KSR2: variants seen among roughly 807,000 people sequenced by gnomAD.
The protein encoded by KSR2 is kinase suppressor of ras 2.
In KSR2, 25 loss-of-function variants were observed where a neutral mutation model predicts 107.8. The observed-to-expected ratio is 0.23, with a 90% CI of 0.17 to 0.32. The LOEUF is 0.32. Among genes scored for constraint, KSR2 ranks in the 10% least tolerant of loss-of-function variants. The probability of loss-of-function intolerance (pLI) is 1.00; values close to 1 mark genes in which losing one functional copy is unlikely to be tolerated. For synonymous variants in KSR2, 480 were observed against 507.0 expected (o/e 0.95, Z 0.71); for missense variants, 887 against 1,268.9 (o/e 0.70, Z 4.57).
chr12:117,913,851 AC>A (rs898427645), intron 1 of KSR2, among the ~76,000 whole-genome samples: 2 of 151,922 alleles, frequency 1.3e-5, no homozygotes, highest in African/African-American at 4.8e-5. Flanking sequence ...CAAGTTCTCC[AC>A]GCTGGAGTCT....
At chr12:117,734,963 T>C (rs1887884470) in intron 4 of KSR2, among the ~76,000 whole-genome samples, 1 of 152,182 alleles carries the variant, frequency 6.6e-6, no homozygotes, top group South Asian at 2.1e-4. Flanking sequence ...AGCCACACAC[T>C]TGGTGTTGAG....
intron 9 of KSR2, among the ~76,000 whole-genome samples, chr12:117,541,059 C>T (rs1435474244): frequency 1.3e-5 from 2 of 152,068 alleles, no homozygotes; most frequent in Non-Finnish European, 2.9e-5. Context: ...ATCAAGTGCA[C>T]AGGGCTGCAT....
chr12:117,607,654 A>AAAGAG (rs1035295251), intron 5 of KSR2, among the ~76,000 whole-genome samples: 2 of 118,074 alleles, frequency 1.7e-5, no homozygotes, highest in African/African-American at 7.6e-5. Context: ...GAGGGGAGGA[A>AAAGAG]AGGAGAGGAG....
chr12:117,833,358 G>T (rs1184685620), intron 3 of KSR2, among the ~76,000 whole-genome samples: 1 of 152,054 alleles, frequency 6.6e-6, no homozygotes, highest in Non-Finnish European at 1.5e-5. Flanking sequence ...GTGCATTTGG[G>T]GGTGGGGGTT....
At chr12:117,576,830 G>A (rs1212201402) in intron 7 of KSR2, among the ~76,000 whole-genome samples, 3 of 151,830 alleles carry the variant, frequency 2.0e-5, no homozygotes, top group Non-Finnish European at 4.4e-5. Flanking sequence ...TTATTTGTGT[G>A]TGTGTGTGTG....
chr12:117,513,127 C>T (rs913182121), intron 14 of KSR2, among the ~76,000 whole-genome samples: 50 of 151,974 alleles, frequency 3.3e-4, no homozygotes, highest in African/African-American at 1.1e-3. Flanking sequence ...CCCTCTTCTG[C>T]CAAACAAATT....
At chr12:117,923,029 T>C (rs958074758) in intron 1 of KSR2, among the ~76,000 whole-genome samples, 1 of 152,158 alleles carries the variant, frequency 6.6e-6, no homozygotes, top group Admixed American at 6.5e-5. Flanking sequence ...ATTTTTGTAC[T>C]TTTTTGGTGA....
chr12:117,855,493 G>A lies in KSR2; in HGVS notation c.407C>T (p.Ala136Val). 1 of 1,614,006 alleles carries A rather than the reference G, an allele frequency of 6.2e-7. No individual in the cohort carries two copies. Among genetic ancestry groups the A allele is most frequent in the Non-Finnish European group, 8.5e-7 (1 of 1,179,880 alleles). Residue 136 changes from alanine (A) to valine (V), a missense_variant, in exon 3 of 20, where the codon GCC (alanine) becomes GTC (valine). Physicochemically the swap from Ala to Val is moderately conservative, Grantham distance 64 (BLOSUM62 0). Coordinates refer to ENST00000339824, the MANE Select transcript of KSR2 (RefSeq NM_173598.6). Reference sequence around the variant, plus strand: ...GAGGCGGGCACACTCCTCCCGGTTGGCTCCGTATTTCTCCACAGTCTCGCA... The same window carrying A: ...GAGGCGGGCACACTCCTCCCGGTTGACTCCGTATTTCTCCACAGTCTCGCA... ...QVCETVEKYG[A>V]NREECARLNA...
rs907129428 is a variant in KSR2 at position 117,465,259 on chromosome 12, C to T, written c.*1940G>A. ...TGACAAGAGCCATCCCCAGCAACCCCAGAGTGGCTGGGGCTCAGGCAAACA... is the reference window on the plus strand; with the variant it reads ...TGACAAGAGCCATCCCCAGCAACCCTAGAGTGGCTGGGGCTCAGGCAAACA... On this transcript the variant is annotated 3_prime_UTR_variant, in exon 20 of 20. Coordinates refer to ENST00000339824, the MANE Select transcript of KSR2 (RefSeq NM_173598.6). 5.9e-5 allele frequency: 9 copies of T among 152,206 alleles called. No individual in the cohort carries two copies. The highest frequency in any genetic ancestry group is 8.8e-5 in the Non-Finnish European group (6 of 68,078). The allele number at this position is 152,206 out of a possible 1,614,324, so 9.4% of individuals were successfully genotyped here.
At chr12:117,809,490 C>T (rs548444142) in intron 3 of KSR2, among the ~76,000 whole-genome samples, 4 of 152,258 alleles carry the variant, frequency 2.6e-5, no homozygotes, top group African/African-American at 4.8e-5. Flanking sequence ...CAAAAATCAC[C>T]CCCAGTTGAG....
At chr12:117,904,304 T>A (rs1430698661) in intron 1 of KSR2, among the ~76,000 whole-genome samples, 7 of 152,166 alleles carry the variant, frequency 4.6e-5, no homozygotes, top group Non-Finnish European at 1.0e-4. Flanking sequence ...ATATTCAGTA[T>A]CTAAACTCGT....
At chr12:117,947,511 A>G (rs1896236279) in intron 1 of KSR2, among the ~76,000 whole-genome samples, 1 of 152,146 alleles carries the variant, frequency 6.6e-6, no homozygotes, top group African/African-American at 2.4e-5. Context: ...ATATACTCCC[A>G]CTATTCCCAT....
chr12:117,951,130 G>A (rs189700685), intron 1 of KSR2, among the ~76,000 whole-genome samples: 88 of 152,024 alleles, frequency 5.8e-4, no homozygotes, highest in African/African-American at 2.1e-3. Flanking sequence ...GGATGGTCTC[G>A]ATCTCCTGAC....
At chr12:117,818,915 C>T (rs1422809110) in intron 3 of KSR2, among the ~76,000 whole-genome samples, 2 of 152,124 alleles carry the variant, frequency 1.3e-5, no homozygotes, top group East Asian at 1.9e-4. Flanking sequence ...ACATAAAAGG[C>T]TATCATGAAG....
rs373870999 is a variant in KSR2 at position 117,606,187 on chromosome 12, C to T, written c.1172-23828G>A. Among the ~76,000 whole-genome samples the T allele has an allele frequency of 8.5e-5, 13 of 152,202 alleles. No homozygotes were observed. In the South Asian group the frequency reaches 1.2e-3, roughly 15 times the overall value. ...AAAGTTTAAATACAGCATTAAGGCCCTGATATTCAAGCAGATATAGACAGT... is the reference window on the plus strand; with the variant it reads ...AAAGTTTAAATACAGCATTAAGGCCTTGATATTCAAGCAGATATAGACAGT... On this transcript the variant is annotated intron_variant, in intron 5 of 19. Coordinates refer to ENST00000339824, the MANE Select transcript of KSR2 (RefSeq NM_173598.6).
At chr12:117,587,236 G>A (rs1880059367) in intron 5 of KSR2, among the ~76,000 whole-genome samples, 1 of 152,186 alleles carries the variant, frequency 6.6e-6, no homozygotes, top group Non-Finnish European at 1.5e-5. Context: ...CTGAAGACGT[G>A]ATCAAGTTAA....
At chr12:117,515,732 G>A (rs889780878) in intron 14 of KSR2, among the ~76,000 whole-genome samples, 1 of 152,068 alleles carries the variant, frequency 6.6e-6, no homozygotes, top group Non-Finnish European at 1.5e-5. Flanking sequence ...TCAAGACAAG[G>A]CTGGCCAACA....
In KSR2 at chr12:117,460,950, C is replaced by T. The variant is rs1427364278; in HGVS notation, c.*6249G>A. The T allele has an allele frequency of 6.6e-6, 1 of 152,260 alleles. No individual in the cohort carries two copies. The highest frequency in any genetic ancestry group is 1.5e-5 in the Non-Finnish European group (1 of 68,104). The allele number at this position is 152,260 out of a possible 1,614,324, so 9.4% of individuals were successfully genotyped here. A position where few individuals can be genotyped will look rare whatever the true frequency, so the allele number is the denominator to read the frequency against. ...CCTAGACATCCTGGGCCACCTGACT[C>T]AATGGGTCGCTTCATACGTCACAGA... On this transcript the variant is annotated 3_prime_UTR_variant, in exon 20 of 20. Coordinates refer to ENST00000339824, the MANE Select transcript of KSR2 (RefSeq NM_173598.6).
chr12:117,612,598 G>T (rs61938992), intron 5 of KSR2, among the ~76,000 whole-genome samples: 2 of 152,080 alleles, frequency 1.3e-5, no homozygotes, highest in African/African-American at 2.4e-5. Flanking sequence ...AACCCAGAAG[G>T]TTGCTAGGAA....
Sources: gnomAD v4.1 joint callset for allele counts (sites outside exome capture counted in the v4.1 genomes callset) on GRCh38, gnomAD v4.1.1 for gene constraint, MANE v1.5 for transcripts, NCBI Gene and HGNC (gene_info 2026-07-23, HGNC 2026-07-21) for gene names.